The following FCHO1 variants were observed in gnomAD, a reference collection of about 807,000 sequenced individuals.
FCHO1 encodes the protein FCH and mu domain containing endocytic adaptor 1.
FCHO1 carries 45 observed loss-of-function variants against 114.4 expected under a neutral mutation model. The ratio of observed to expected loss-of-function variants is 0.39; its 90% CI spans 0.31 to 0.50. The LOEUF is 0.50. Ranked by LOEUF, FCHO1 falls within the 20% of genes least tolerant of loss-of-function variation. FCHO1 has a pLI of 0.77. For missense variants in FCHO1, 1,042 were observed against 1,209.6 expected (o/e 0.86, Z 2.06); for synonymous variants, 480 against 488.9 (o/e 0.98, Z 0.24).
chr19:17,781,202 C>T, intron 20 of FCHO1, 29 bp from the exon 21 acceptor site: 1 of 1,542,726 alleles, frequency 6.5e-7, no homozygotes, highest in South Asian at 1.1e-5. Flanking sequence ...GGCAGCATCT[C>T]AGCAGTGCCT....
At chr19:17,779,018 A>G (rs2093024411) in intron 20 of FCHO1, 134 bp downstream of exon 20, 5 of 968,682 alleles carry the variant, frequency 5.2e-6, no homozygotes, top group Admixed American at 3.0e-5. Context: ...CCACCGTTGC[A>G]GGGACAACAA....
At chr19:17,778,063 C>A in intron 18 of FCHO1, 74 bp from the exon 19 acceptor site, 2 of 1,023,810 alleles carry the variant, frequency 2.0e-6, no homozygotes, top group Non-Finnish European at 3.0e-6. Flanking sequence ...CTGGGAACAG[C>A]ATGTGCAAAG....
At chr19:17,753,396 T>A (rs1464025992) in intron 1 of FCHO1, among the ~76,000 whole-genome samples, 1 of 152,206 alleles carries the variant, frequency 6.6e-6, no homozygotes, top group African/African-American at 2.4e-5. Context: ...TATTCATGCT[T>A]TAAAACCCCA....
In FCHO1 at chr19:17,776,167, G is replaced by A; in HGVS notation, c.1182+6G>A. On this transcript the variant is annotated splice_donor_region_variant and intron_variant, in intron 16 of 28. Coordinates refer to ENST00000596536, the MANE Select transcript of FCHO1 (RefSeq NM_015122.3). This position sits in a 1 kb window ranked among gnomAD's most constrained non-coding sequence, Gnocchi z 4.4. The stretch of plus-strand genomic sequence containing the variant: ...TCCTTCCTCCTGGCCCAGGGGTGAG[G>A]CGTGGGAGGGGTGCCCTGGGTGTTG... 1.2e-6 allele frequency: 2 copies of A among 1,614,024 alleles called. No homozygotes were observed. Among genetic ancestry groups the A allele is most frequent in the Non-Finnish European group, 1.7e-6 (2 of 1,179,952 alleles).
intron 9 of FCHO1, among the ~76,000 whole-genome samples, chr19:17,772,131 CTG>C (rs1193068179): frequency 6.6e-6 from 1 of 151,924 alleles, no homozygotes; most frequent in African/African-American, 2.4e-5. Flanking sequence ...CTTCTTAAGT[CTG>C]TTTTTCTCTC....
chr19:17,766,648 TG>T lies in FCHO1; in HGVS notation c.195-20del. 6.2e-7 allele frequency: 1 copy of T among 1,613,706 alleles called. No homozygotes were observed. The highest frequency in any genetic ancestry group is 1.3e-5 in the African/African-American group (1 of 75,034). On this transcript the variant is annotated intron_variant, in intron 6 of 28. Coordinates refer to ENST00000596536, the MANE Select transcript of FCHO1 (RefSeq NM_015122.3). Reference sequence around the variant, plus strand: ...TGGGGTGAGCCTGATGAACCCTGGGTGTGACCTTGCCCGCCCCCAGGACCTT... The same window carrying T: ...TGGGGTGAGCCTGATGAACCCTGGGTTGACCTTGCCCGCCCCCAGGACCTT...
chr19:17,755,679 C>T (rs1485803239), intron 4 of FCHO1: 1 of 152,302 alleles, frequency 6.6e-6, no homozygotes, highest in Non-Finnish European at 1.5e-5. Flanking sequence ...TGTTTTTATT[C>T]ATTCATTTCC....
chr19:17,759,592 G>A (rs920352929), intron 4 of FCHO1, among the ~76,000 whole-genome samples: 1 of 152,030 alleles, frequency 6.6e-6, no homozygotes, highest in Non-Finnish European at 1.5e-5. Context: ...TCCAACAGCG[G>A]GCGCAGAGGA....
At chr19:17,780,021 G>A (rs2093215793) in intron 20 of FCHO1, among the ~76,000 whole-genome samples, 1 of 151,894 alleles carries the variant, frequency 6.6e-6, no homozygotes, top group South Asian at 2.1e-4. Flanking sequence ...GAGTCAGAGG[G>A]ACTGTGGGCT....
intron 7 of FCHO1, among the ~76,000 whole-genome samples, chr19:17,770,075 A>C (rs2091014124): frequency 6.6e-6 from 1 of 152,068 alleles, no homozygotes; most frequent in Non-Finnish European, 1.5e-5. Flanking sequence ...CAAGGTGGGC[A>C]GATCACCTGA....
At chr19:17,770,326 C>T in intron 7 of FCHO1, 99 bp from the exon 8 acceptor site, 1 of 1,284,206 alleles carries the variant, frequency 7.8e-7, no homozygotes, top group Admixed American at 2.4e-5. Flanking sequence ...AAAACACACA[C>T]ACACACATAG....
At position 17,782,921 on chromosome 19, in the gene FCHO1, T is replaced by C. The variant is rs1599773700; in HGVS notation, c.1938-96T>C. 5 of 1,409,568 alleles carry C rather than the reference T, an allele frequency of 3.5e-6. No homozygotes were observed. In the South Asian group the frequency reaches 6.6e-5, roughly 19 times the overall value. 87.3% of individuals were successfully genotyped at this position (1,409,568 alleles called of 1,614,324 possible). On this transcript the variant is annotated intron_variant, in intron 23 of 28. Coordinates refer to ENST00000596536, the MANE Select transcript of FCHO1 (RefSeq NM_015122.3). Reference sequence around the variant, plus strand: ...GCCATCCTCCTAGATCCGAGGAGTCTGGGGAGCCACAGGCACCAGTGAAAC... The same window carrying C: ...GCCATCCTCCTAGATCCGAGGAGTCCGGGGAGCCACAGGCACCAGTGAAAC...
At chr19:17,777,271 T>C (rs181783936) in intron 18 of FCHO1, among the ~76,000 whole-genome samples, 180 of 151,896 alleles carry the variant, frequency 1.2e-3, no homozygotes, top group Admixed American at 2.2e-3. Context: ...GCGTGGCGGC[T>C]CACGCCTGTA....
intron 26 of FCHO1, 102 bp from the exon 27 acceptor site, chr19:17,786,472 A>G: frequency 1.7e-6 from 2 of 1,150,186 alleles, no homozygotes; most frequent in Non-Finnish European, 2.5e-6. Context: ...AGTGGGGGAG[A>G]AGGTTTGTTG....
In FCHO1 at chr19:17,775,143, C is replaced by T. The variant is rs2092439105; in HGVS notation, c.945+63C>T. ...GGAAGGAGTTTGATCCCACTCTTGG[C>T]TCCTAGAGTCCCGATCCCTACTGGA... On this transcript the variant is annotated intron_variant, in intron 14 of 28. Coordinates refer to ENST00000596536, the MANE Select transcript of FCHO1 (RefSeq NM_015122.3). The surrounding 1 kb of genome is among the most constrained non-coding windows in gnomAD (Gnocchi z 5.1). 1 of 1,526,674 alleles carries T rather than the reference C, an allele frequency of 6.6e-7. No individual in the cohort carries two copies. The allele number at this position is 1,526,674 out of a possible 1,614,324, so 94.6% of individuals were successfully genotyped here. A position where few individuals can be genotyped will look rare whatever the true frequency, so the allele number is the denominator to read the frequency against.
At position 17,786,560 on chromosome 19, in the gene FCHO1, T is replaced by A. The variant is rs2093915045; in HGVS notation, c.2427-14T>A. On this transcript the variant is annotated splice_polypyrimidine_tract_variant and intron_variant, in intron 26 of 28. Transcript: ENST00000596536. ...TCTCTGGGGAAGCCCTGATTAAGAT[T>A]CTTTCTCTGCCAGGAACCTGGAGGA... is the stretch of plus-strand genomic sequence containing the variant. The A allele has an allele frequency of 6.2e-7, 1 of 1,612,280 alleles. No individual in the cohort carries two copies. Among genetic ancestry groups the A allele is most frequent in the African/African-American group, 1.3e-5 (1 of 74,776 alleles).
rs557718407 is a variant in FCHO1, at chr19:17,755,057, T to G, written c.-47-61T>G. 13 of 1,045,936 alleles carry G rather than the reference T, an allele frequency of 1.2e-5. No homozygotes were observed. The African/African-American group carries it at 2.0e-4, about 16-fold the overall frequency. The allele number at this position is 1,045,936 out of a possible 1,614,324, so 64.8% of individuals were successfully genotyped here. A position where few individuals can be genotyped will look rare whatever the true frequency, so the allele number is the denominator to read the frequency against. ...TCTCCTTCCTCTACAGGGAGGGACT[T>G]TCCCCCCACCAAGCCCACACTGGCA... On this transcript the variant is annotated intron_variant, in intron 3 of 28. Transcript: ENST00000596536.
At chr19:17,770,168 G>T (rs2091051094) in intron 7 of FCHO1, among the ~76,000 whole-genome samples, 1 of 152,178 alleles carries the variant, frequency 6.6e-6, no homozygotes, top group African/African-American at 2.4e-5. Context: ...GGGTGTGATG[G>T]TGAGCACCTG....
At chr19:17,786,542 G>C (rs1276886335) in intron 26 of FCHO1, 32 bp from the exon 27 acceptor site, 2 of 1,610,502 alleles carry the variant, frequency 1.2e-6, no homozygotes, top group South Asian at 2.2e-5. Context: ...TCCTCTCTGG[G>C]GAAGCCCTGA....
Sources: gnomAD v4.1 joint callset for allele counts (sites outside exome capture counted in the v4.1 genomes callset) on GRCh38, gnomAD v4.1.1 for gene constraint, Gnocchi (gnomAD v3.1) non-coding constraint, MANE v1.5 for transcripts, NCBI Gene and HGNC (gene_info 2026-07-23, HGNC 2026-07-21) for gene names.